Variants in FBXO16 observed in about 807,000 individuals in gnomAD.
FBXO16 encodes F-box protein 16, also known as F-box only protein 16.
Under a neutral mutation model 41.0 loss-of-function variants are expected in FBXO16, and 31 were observed. The ratio of observed to expected loss-of-function variants is 0.76; its 90% CI spans 0.57 to 1.02. The LOEUF is 1.02. FBXO16 is among the 50% of genes least tolerant of loss of function. The pLI is 0.00. For missense variants in FBXO16, 361 were observed against 346.2 expected (o/e 1.04, Z -0.34); for synonymous variants, 133 against 117.8 (o/e 1.13, Z -0.84).
chr8:28,483,295 C>A (rs904123807), intron 2 of FBXO16, 53 bp downstream of exon 2: 8 of 1,479,782 alleles, frequency 5.4e-6, no homozygotes, highest in East Asian at 4.6e-5. Context: ...ATTTTAATAT[C>A]TTTTTTCCTT....
Position 28,452,463 on chromosome 8 carries a change from T to A in FBXO16, c.521A>T (p.Asp174Val). 6.2e-7 allele frequency: 1 copy of A among 1,613,930 alleles called. No individual in the cohort carries two copies. The highest frequency in any genetic ancestry group is 2.2e-5 in the East Asian group (1 of 44,888). ...HITKPKTPPKDGFVIADVQLV... is the reference protein window; with the variant it reads ...HITKPKTPPKVGFVIADVQLV... ...TTGAACGTCAGCGATTACAAATCCA[T>A]CCTTTGGGGGTGTCTAGAAGAAGAA... The change falls in exon 6 of 9, where the codon GAT becomes GTT. Residue 174 changes from aspartate to valine, a missense_variant. Transcript: ENST00000380254.
intron 3 of FBXO16, among the ~76,000 whole-genome samples, chr8:28,472,395 C>T (rs1296506204): frequency 1.3e-5 from 2 of 152,192 alleles, no homozygotes. Context: ...GCCATTGCAC[C>T]TGACCCATAT....
intron 1 of FBXO16, among the ~76,000 whole-genome samples, chr8:28,486,888 T>C (rs1803611506): frequency 6.6e-6 from 1 of 152,064 alleles, no homozygotes; most frequent in Non-Finnish European, 1.5e-5. Flanking sequence ...GAATCCTTTC[T>C]TAAGAGCTAC....
chr8:28,432,646 T>A (rs936610422), intron 7 of FBXO16, among the ~76,000 whole-genome samples: 3 of 152,216 alleles, frequency 2.0e-5, no homozygotes, highest in Non-Finnish European at 4.4e-5. Context: ...CCAACATGAA[T>A]GACCCTTTAC....
intron 2 of FBXO16, among the ~76,000 whole-genome samples, chr8:28,477,173 A>G (rs1212893801): frequency 6.6e-6 from 1 of 152,168 alleles, no homozygotes; most frequent in Non-Finnish European, 1.5e-5. Flanking sequence ...CCTGCTGTGA[A>G]GTTAAAATCC....
chr8:28,490,141 A>AAG (rs1174650353), intron 1 of FBXO16, 45 bp downstream of exon 1: 1 of 152,142 alleles, frequency 6.6e-6, no homozygotes, highest in African/African-American at 2.4e-5. Context: ...GAGCTTTCCA[A>AAG]AGAGAGAGTC....
intron 2 of FBXO16, among the ~76,000 whole-genome samples, chr8:28,477,255 T>TAAAACA (rs1485969862): frequency 1.3e-5 from 2 of 152,118 alleles, no homozygotes. Flanking sequence ...AAGACAAAAT[T>TAAAACA]AAAACAAAAA....
chr8:28,431,479 C>T (rs926005141), intron 7 of FBXO16, among the ~76,000 whole-genome samples: 2 of 152,230 alleles, frequency 1.3e-5, no homozygotes, highest in African/African-American at 4.8e-5. Context: ...TAGCACCTGA[C>T]TATCTGGCTG....
intron 7 of FBXO16, among the ~76,000 whole-genome samples, chr8:28,431,910 T>G (rs1166933290): frequency 6.6e-6 from 1 of 152,188 alleles, no homozygotes; most frequent in East Asian, 1.9e-4. Flanking sequence ...ACCTCATCCT[T>G]GAGCCTCCTA....
At chr8:28,477,569 G>GGTGT (rs1390596705) in intron 2 of FBXO16, among the ~76,000 whole-genome samples, 1 of 152,196 alleles carries the variant, frequency 6.6e-6, no homozygotes, top group Admixed American at 6.5e-5. Context: ...TATATGTATG[G>GGTGT]GTGTGTGTGT....
chr8:28,449,833 G>A (rs1158653944), intron 6 of FBXO16, among the ~76,000 whole-genome samples: 1 of 151,864 alleles, frequency 6.6e-6, no homozygotes, highest in African/African-American at 2.4e-5. Context: ...TTAGCTGGGC[G>A]TGGTGGTGCG....
intron 7 of FBXO16, among the ~76,000 whole-genome samples, chr8:28,434,872 T>C (rs542094525): frequency 6.6e-6 from 1 of 152,358 alleles, no homozygotes; most frequent in East Asian, 1.9e-4. Flanking sequence ...CCAGGCATGT[T>C]ACCTCAAGGG....
intron 8 of FBXO16, 132 bp from the exon 9 acceptor site, chr8:28,428,868 C>G: frequency 9.7e-7 from 1 of 1,032,748 alleles, no homozygotes; most frequent in South Asian, 1.8e-5. Flanking sequence ...ATTGAGATTT[C>G]CCAACTTCAC....
At chr8:28,436,715 C>A (rs1242443216) in intron 7 of FBXO16, among the ~76,000 whole-genome samples, 1 of 152,164 alleles carries the variant, frequency 6.6e-6, no homozygotes, top group Admixed American at 6.6e-5. Context: ...ACGAAACACA[C>A]ATACACACAC....
chr8:28,454,499 C>T (rs867130736), intron 5 of FBXO16, among the ~76,000 whole-genome samples: 10 of 151,476 alleles, frequency 6.6e-5, no homozygotes, highest in African/African-American at 2.4e-4. Flanking sequence ...GAGGCCGAGG[C>T]GGGCGGATCA....
intron 7 of FBXO16, among the ~76,000 whole-genome samples, chr8:28,444,776 G>A (rs1438596047): frequency 7.1e-5 from 8 of 112,022 alleles, no homozygotes; most frequent in South Asian, 6.8e-4. Context: ...CACCGCGCCC[G>A]GACTTTTTTT....
At chr8:28,435,097 G>C (rs1802667923) in intron 7 of FBXO16, among the ~76,000 whole-genome samples, 1 of 152,164 alleles carries the variant, frequency 6.6e-6, no homozygotes. Flanking sequence ...ACCCACACTT[G>C]GTGGGTCCTG....
chr8:28,458,614 G>A (rs550727356), intron 4 of FBXO16, among the ~76,000 whole-genome samples: 1 of 139,276 alleles, frequency 7.2e-6, no homozygotes, highest in African/African-American at 2.6e-5. Context: ...GTGCAGTGGT[G>A]CGATCTTGGC....
At chr8:28,481,647 TA>T (rs1803514769) in intron 2 of FBXO16, among the ~76,000 whole-genome samples, 2 of 151,724 alleles carry the variant, frequency 1.3e-5, no homozygotes, top group South Asian at 4.2e-4. Flanking sequence ...CTGTCTCCAC[TA>T]AAAATACAAA....
Sources: gnomAD v4.1 joint callset for allele counts (sites outside exome capture counted in the v4.1 genomes callset) on GRCh38, gnomAD v4.1.1 for gene constraint, MANE v1.5 for transcripts, NCBI Gene and HGNC (gene_info 2026-07-23, HGNC 2026-07-21) for gene names.